The following CFI variants were observed in gnomAD, a reference collection of about 807,000 sequenced individuals.
CFI encodes the protein C3B/C4B inactivator.
CFI carries 66 observed loss-of-function variants against 78.8 expected under a neutral mutation model. The observed-to-expected ratio is 0.84, with a 90% CI of 0.69 to 1.03. CFI has a LOEUF of 1.03. Among genes scored for constraint, CFI ranks in the 50% least tolerant of loss-of-function variants. The pLI is 0.00. For synonymous variants in CFI, 250 were observed against 232.6 expected (o/e 1.07, Z -0.68); for missense variants, 706 against 704.5 (o/e 1.00, Z -0.02).
intron 1 of CFI, among the ~76,000 whole-genome samples, chr4:109,792,431 C>T (rs1036423043): frequency 6.6e-6 from 1 of 152,062 alleles, no homozygotes; most frequent in African/African-American, 2.4e-5. Context: ...CACAAATTAG[C>T]CGGGCGTGGT....
rs796915357 is a variant in CFI, at chr4:109,784,939, C to A, written c.57+16976G>T. 5.3e-5 allele frequency among the ~76,000 whole-genome samples: 8 copies of A among 152,164 alleles called. No homozygotes were observed. In the South Asian group the frequency reaches 1.7e-3, roughly 32 times the overall value. On this transcript the variant is annotated intron_variant, in intron 1 of 12. Coordinates refer to ENST00000394634, the MANE Select transcript of CFI (RefSeq NM_000204.5). ...ATTCCACCATTGTGATCTGTTCCTG[C>A]CCCACTCTAACCGGTCAATTGACCT...
At chr4:109,794,836 A>G (rs960486581) in intron 1 of CFI, among the ~76,000 whole-genome samples, 4 of 152,150 alleles carry the variant, frequency 2.6e-5, no homozygotes, top group Non-Finnish European at 5.9e-5. Context: ...ATTTGTTTAT[A>G]CATTATTATC....
At chr4:109,742,830 G>A (rs1226871388) in intron 11 of CFI, among the ~76,000 whole-genome samples, 17 of 152,164 alleles carry the variant, frequency 1.1e-4, no homozygotes, top group African/African-American at 3.9e-4. Flanking sequence ...ATTTAATAAA[G>A]AGCTGGTACC....
At chr4:109,731,100 C>T in the CFI span, among the ~76,000 whole-genome samples, 8 of 152,252 alleles carry the variant, frequency 5.3e-5, no homozygotes, top group East Asian at 1.9e-4. Flanking sequence ...CGCCTGTAAT[C>T]CCAGCACCTT....
intron 6 of CFI, 142 bp from the exon 7 acceptor site, chr4:109,757,925 A>G (rs1175744706): frequency 6.9e-7 from 1 of 1,448,094 alleles, no homozygotes; most frequent in Non-Finnish European, 9.2e-7. Context: ...TCTATTATAA[A>G]AATGATTTAC....
chr4:109,756,929 GAAAGA>G, intron 7 of CFI, among the ~76,000 whole-genome samples: 1 of 144,352 alleles, frequency 6.9e-6, no homozygotes, highest in East Asian at 2.1e-4. Flanking sequence ...AAGAAAGAAA[GAAAGA>G]AAGAAAGAAA....
At chr4:109,778,257 G>T (rs1353614911) in intron 1 of CFI, among the ~76,000 whole-genome samples, 1 of 152,052 alleles carries the variant, frequency 6.6e-6, no homozygotes, top group Admixed American at 6.6e-5. Flanking sequence ...AAGAAGAAAA[G>T]AGAAGAATCA....
At chr4:109,795,115 T>A (rs1731896247) in intron 1 of CFI, among the ~76,000 whole-genome samples, 1 of 152,186 alleles carries the variant, frequency 6.6e-6, no homozygotes. Flanking sequence ...GCATACACGA[T>A]GCTGAAAGAG....
chr4:109,733,155 T>C, the CFI span, among the ~76,000 whole-genome samples: 1 of 152,102 alleles, frequency 6.6e-6, no homozygotes, highest in Non-Finnish European at 1.5e-5. Flanking sequence ...GTATTTTTAG[T>C]AGCAATGGGG....
intron 1 of CFI, among the ~76,000 whole-genome samples, chr4:109,769,415 G>C (rs1447622174): frequency 6.6e-6 from 1 of 152,154 alleles, no homozygotes; most frequent in Admixed American, 6.5e-5. Flanking sequence ...CTTGCTTCCA[G>C]GGTGTGTGAT....
rs188874720 is a variant in CFI, at chr4:109,744,486, A to G, written c.1429+1736T>C. Among the ~76,000 whole-genome samples the G allele has an allele frequency of 7.3e-4, 111 of 152,286 alleles. 1 individual carries two copies. In the East Asian group the frequency reaches 0.017, roughly 23 times the overall value. ...GGTTTTAGACAAAGAGGACCCTAGC[A>G]GGAGGGAGGGAAGGAAAGAGGTAGG... On this transcript the variant is annotated intron_variant, in intron 11 of 12. Transcript: ENST00000394634.
At chr4:109,792,560 CA>C (rs754829488) in intron 1 of CFI, among the ~76,000 whole-genome samples, 33 of 151,934 alleles carry the variant, frequency 2.2e-4, no homozygotes, top group African/African-American at 3.9e-4. Context: ...ATCTCAAAAA[CA>C]AAAACAAAAA....
intron 1 of CFI, among the ~76,000 whole-genome samples, chr4:109,769,761 G>T (rs1728325182): frequency 6.6e-6 from 1 of 152,124 alleles, no homozygotes; most frequent in Admixed American, 6.6e-5. Flanking sequence ...GAGCCTCTTG[G>T]GCAGGAGTCC....
intron 1 of CFI, among the ~76,000 whole-genome samples, chr4:109,787,136 T>C (rs1033196123): frequency 2.0e-5 from 3 of 151,996 alleles, no homozygotes; most frequent in Non-Finnish European, 4.4e-5. Flanking sequence ...ACCACTGAGA[T>C]TATGTAGTGC....
chr4:109,777,295 GAAAAC>G (rs1462168259), intron 1 of CFI, among the ~76,000 whole-genome samples: 1 of 152,014 alleles, frequency 6.6e-6, no homozygotes, highest in African/African-American at 2.4e-5. Flanking sequence ...CAAGAAAATG[GAAAAC>G]AAAACAAAAC....
At chr4:109,797,306 G>C (rs1473790508) in intron 1 of CFI, among the ~76,000 whole-genome samples, 3 of 152,164 alleles carry the variant, frequency 2.0e-5, no homozygotes, top group Admixed American at 6.5e-5. Context: ...CAACAAGGGA[G>C]CCAAGAATAT....
chr4:109,771,405 A>AT (rs912831780), intron 1 of CFI, among the ~76,000 whole-genome samples: 1 of 150,442 alleles, frequency 6.6e-6, no homozygotes, highest in African/African-American at 2.4e-5. Flanking sequence ...AAAAATAAAA[A>AT]AAAAAATCAG....
At chr4:109,744,349 T>C (rs1253112359) in intron 11 of CFI, among the ~76,000 whole-genome samples, 2 of 152,014 alleles carry the variant, frequency 1.3e-5, no homozygotes, top group African/African-American at 2.4e-5. Flanking sequence ...CCAGGAAAAA[T>C]ATGTGGGGGA....
At chr4:109,797,582 C>T (rs1732219022) in intron 1 of CFI, among the ~76,000 whole-genome samples, 1 of 152,062 alleles carries the variant, frequency 6.6e-6, no homozygotes, top group Non-Finnish European at 1.5e-5. Flanking sequence ...AGTGGGACTA[C>T]CTCAAGCTAA....
Sources: gnomAD v4.1 joint callset for allele counts (sites outside exome capture counted in the v4.1 genomes callset) on GRCh38, gnomAD v4.1.1 for gene constraint, MANE v1.5 for transcripts, NCBI Gene and HGNC (gene_info 2026-07-23, HGNC 2026-07-21) for gene names.